The following CTNND2 variants were observed in gnomAD, a reference collection of about 807,000 sequenced individuals.
The protein encoded by CTNND2 is catenin delta 2, also known as catenin delta-2.
In CTNND2, 22 loss-of-function variants were observed where a neutral mutation model predicts 144.4. The observed-to-expected ratio is 0.15, with a 90% CI of 0.11 to 0.22. CTNND2 has a LOEUF of 0.22. Ranked by LOEUF, CTNND2 falls within the 10% of genes least tolerant of loss-of-function variation. CTNND2 has a pLI of 1.00. For missense variants in CTNND2, 1,353 were observed against 1,618.8 expected (o/e 0.84, Z 2.82); for synonymous variants, 751 against 695.6 (o/e 1.08, Z -1.25).
At chr5:11,152,076 G>A (rs1410013235) in intron 12 of CTNND2, among the ~76,000 whole-genome samples, 1 of 152,140 alleles carries the variant, frequency 6.6e-6, no homozygotes, top group African/African-American at 2.4e-5. Flanking sequence ...GCTTTTATAC[G>A]TAAAGAAAGA....
intron 3 of CTNND2, among the ~76,000 whole-genome samples, chr5:11,471,985 G>T (rs1231636677): frequency 6.6e-6 from 1 of 152,100 alleles, no homozygotes; most frequent in Non-Finnish European, 1.5e-5. Flanking sequence ...ACCATATATA[G>T]AACAATTCAG....
chr5:11,373,858 A>G (rs527647890), intron 7 of CTNND2, among the ~76,000 whole-genome samples: 1 of 152,272 alleles, frequency 6.6e-6, no homozygotes, highest in Non-Finnish European at 1.5e-5. Context: ...AGTGTCAGAA[A>G]TTTGCGGGTA....
rs144201622 is a variant in CTNND2, at chr5:11,300,971, A to G, written c.1628+45401T>C. ...TGGGGAAGAAAACAAAACAGAATGA[A>G]ACAAGAACTGGTATCTCAGTGTGTG... On this transcript the variant is annotated intron_variant, in intron 9 of 21. Transcript: ENST00000304623. Among the ~76,000 whole-genome samples the G allele has an allele frequency of 3.6e-3, 541 of 152,260 alleles. 1 individual carries two copies. Among genetic ancestry groups the G allele is most frequent in the African/African-American group, 0.012 (514 of 41,556 alleles).
intron 2 of CTNND2, among the ~76,000 whole-genome samples, chr5:11,611,247 G>C (rs1163316993): frequency 6.6e-6 from 1 of 152,110 alleles, no homozygotes; most frequent in Non-Finnish European, 1.5e-5. Context: ...CGGAGGCCTC[G>C]TAGCCAAGCT....
intron 1 of CTNND2, among the ~76,000 whole-genome samples, chr5:11,750,800 A>T: frequency 6.6e-6 from 1 of 151,838 alleles, no homozygotes; most frequent in Non-Finnish European, 1.5e-5. Context: ...ACATTAATAC[A>T]AAATGGATTT....
At chr5:11,355,419 C>T (rs1005356425) in intron 8 of CTNND2, among the ~76,000 whole-genome samples, 7 of 151,994 alleles carry the variant, frequency 4.6e-5, no homozygotes, top group African/African-American at 1.7e-4. Context: ...ACCATATAAT[C>T]ATTTCAATAG....
At chr5:11,646,439 T>C (rs896117378) in intron 2 of CTNND2, among the ~76,000 whole-genome samples, 22 of 152,184 alleles carry the variant, frequency 1.4e-4, no homozygotes, top group South Asian at 2.1e-4. Flanking sequence ...CCTTTCACAA[T>C]AATAGACACG....
intron 3 of CTNND2, among the ~76,000 whole-genome samples, chr5:11,541,022 C>A (rs1774680448): frequency 6.6e-6 from 1 of 152,166 alleles, no homozygotes; most frequent in Non-Finnish European, 1.5e-5. Context: ...AGTCAGACTG[C>A]AAAATACGAC....
At chr5:11,187,295 G>C (rs1303961719) in intron 11 of CTNND2, among the ~76,000 whole-genome samples, 2 of 152,036 alleles carry the variant, frequency 1.3e-5, no homozygotes, top group African/African-American at 4.8e-5. Flanking sequence ...TCAGAAAGAA[G>C]ACTGCACATC....
chr5:11,250,499 A>C (rs1238135879), intron 9 of CTNND2, among the ~76,000 whole-genome samples: 77 of 88,734 alleles, frequency 8.7e-4, no homozygotes, highest in African/African-American at 2.4e-3. Context: ...CTCTATATAT[A>C]TATATATATA....
chr5:11,419,224 T>C (rs1262173023), intron 3 of CTNND2, among the ~76,000 whole-genome samples: 1 of 152,062 alleles, frequency 6.6e-6, no homozygotes, highest in African/African-American at 2.4e-5. Context: ...TTATGAAATA[T>C]GACAAAATGA....
At chr5:11,454,543 A>G (rs1765568484) in intron 3 of CTNND2, among the ~76,000 whole-genome samples, 1 of 152,172 alleles carries the variant, frequency 6.6e-6, no homozygotes. Flanking sequence ...ATTGGTCTGC[A>G]CTATGCACTC....
intron 1 of CTNND2, among the ~76,000 whole-genome samples, chr5:11,746,582 A>T (rs1469228486): frequency 1.3e-5 from 2 of 152,126 alleles, no homozygotes; most frequent in Non-Finnish European, 2.9e-5. Context: ...TGTCATTTGC[A>T]ATTAAAAGTG....
Position 11,082,715 on chromosome 5 carries a change from G to T in CTNND2, c.2769C>A (p.Val923=). ...ATALRNMALD[V]RNKELIGKYA... Reference sequence around the variant, plus strand: ...ACATACCGATGAGCTCCTTATTTCTGACGTCCAAGGCCATGTTCCGCAGCG... The same window carrying T: ...ACATACCGATGAGCTCCTTATTTCTTACGTCCAAGGCCATGTTCCGCAGCG... Residue 923 remains valine (V), a synonymous_variant, in exon 16 of 22, where the codon GTC becomes GTA. Coordinates refer to ENST00000304623, the MANE Select transcript of CTNND2 (RefSeq NM_001332.4). The T allele has an allele frequency of 6.2e-7, 1 of 1,614,078 alleles. No homozygotes were observed. The highest frequency in any genetic ancestry group is 8.5e-7 in the Non-Finnish European group (1 of 1,180,002).
Position 11,134,153 on chromosome 5 carries a change from G to C in CTNND2, c.2160-16586C>G, listed in dbSNP as rs1454861172. ...GGAGGGAGCAGGAGAAAGGGGGAAA[G>C]ATAGAGGTAGTGGGGCTACTCAGGT... is the stretch of plus-strand genomic sequence containing the variant. On this transcript the variant is annotated intron_variant, in intron 12 of 21. Coordinates refer to ENST00000304623, the MANE Select transcript of CTNND2 (RefSeq NM_001332.4). Among the ~76,000 whole-genome samples the C allele has an allele frequency of 3.7e-4, 57 of 152,190 alleles. 1 individual carries two copies. The highest frequency in any genetic ancestry group is 3.7e-3 in the Admixed American group (56 of 15,280).
At chr5:11,435,037 G>C (rs1426792210) in intron 3 of CTNND2, among the ~76,000 whole-genome samples, 1 of 151,952 alleles carries the variant, frequency 6.6e-6, no homozygotes, top group Admixed American at 6.6e-5. Context: ...TACAGAAATA[G>C]AGATATTCAG....
intron 9 of CTNND2, among the ~76,000 whole-genome samples, chr5:11,311,098 ACACT>A (rs1373601638): frequency 1.4e-5 from 2 of 145,144 alleles, no homozygotes; most frequent in Non-Finnish European, 3.0e-5. Flanking sequence ...ATACACTCTC[ACACT>A]CTCTCCATGC....
rs71595821 is a variant in CTNND2, at chr5:11,470,954, GTATATA to G, written c.288-58891_288-58886del. ...TACTTTAGCTATTATTTGATACAAAGTATATATATATATATATATATATATATTTTT... is the reference window on the plus strand; with the variant it reads ...TACTTTAGCTATTATTTGATACAAAGTATATATATATATATATATATTTTT... On this transcript the variant is annotated intron_variant, in intron 3 of 21. Coordinates refer to ENST00000304623, the MANE Select transcript of CTNND2 (RefSeq NM_001332.4). Among the ~76,000 whole-genome samples the G allele has an allele frequency of 1.9e-4, 12 of 63,250 alleles. No homozygotes were observed. The South Asian group carries it at 4.7e-3, about 25-fold the overall frequency. 41.5% of individuals were successfully genotyped at this position (63,250 alleles called of 152,430 possible). A position where few individuals can be genotyped will look rare whatever the true frequency, so the allele number is the denominator to read the frequency against.
intron 18 of CTNND2, among the ~76,000 whole-genome samples, chr5:10,996,500 C>T (rs1234724106): frequency 1.3e-5 from 2 of 151,998 alleles, no homozygotes; most frequent in South Asian, 2.1e-4. Flanking sequence ...GGAAATTAAA[C>T]AGCCCTCGAG....
Sources: gnomAD v4.1 joint callset for allele counts (sites outside exome capture counted in the v4.1 genomes callset) on GRCh38, gnomAD v4.1.1 for gene constraint, MANE v1.5 for transcripts, NCBI Gene and HGNC (gene_info 2026-07-23, HGNC 2026-07-21) for gene names.